Variants in CPEB4 observed in about 807,000 individuals in gnomAD.
CPEB4 encodes the protein cytoplasmic polyadenylation element binding protein 4.
CPEB4 carries 12 observed loss-of-function variants against 72.5 expected under a neutral mutation model. That is an observed-to-expected ratio of 0.17 (90% CI 0.11 to 0.27). CPEB4 has a LOEUF of 0.27. CPEB4 is among the 10% of genes least tolerant of loss of function. The pLI is 1.00. For missense variants in CPEB4, 614 were observed against 908.5 expected, an observed-to-expected ratio of 0.68 and a Z score of 4.17; for synonymous variants, 302 against 326.3, an observed-to-expected ratio of 0.93 and a Z score of 0.80.
chr5:173,956,210 A>G lies in CPEB4; in HGVS notation c.*73A>G. On this transcript the variant is annotated 3_prime_UTR_variant, in exon 10 of 10. Transcript: ENST00000265085. The stretch of plus-strand genomic sequence containing the variant: ...TCTGTTCATTCTGACCCCTTCCTCA[A>G]CCTCTTCACGCTGGCATGTCCTTTT... The G allele has an allele frequency of 8.6e-7, 1 of 1,160,850 alleles. No individual in the cohort carries two copies. Among genetic ancestry groups the G allele is most frequent in the Non-Finnish European group, 1.3e-6 (1 of 778,116 alleles). 71.9% of individuals were successfully genotyped at this position (1,160,850 alleles called of 1,614,324 possible). A position where few individuals can be genotyped will look rare whatever the true frequency, so the allele number is the denominator to read the frequency against.
In CPEB4 at chr5:173,953,562, C is replaced by A. The variant is rs73808321; in HGVS notation, c.1962+290C>A. The A allele has an allele frequency of 1.9e-3, 699 of 373,836 alleles. 4 individuals are homozygous for A. The highest frequency in any genetic ancestry group is 0.013 in the African/African-American group (626 of 48,410). The allele number at this position is 373,836 out of a possible 1,614,324, so 23.2% of individuals were successfully genotyped here. ...CCATTCATTCACTTAGTTTGTAAGTCATTCAATAAATATTTACTGAATCCT... is the reference window on the plus strand; with the variant it reads ...CCATTCATTCACTTAGTTTGTAAGTAATTCAATAAATATTTACTGAATCCT... On this transcript the variant is annotated intron_variant, in intron 9 of 9. Coordinates refer to ENST00000265085, the MANE Select transcript of CPEB4 (RefSeq NM_030627.4).
chr5:173,913,629 T>C (rs1756760354), intron 2 of CPEB4, among the ~76,000 whole-genome samples: 1 of 152,248 alleles, frequency 6.6e-6, no homozygotes, highest in Non-Finnish European at 1.5e-5. Context: ...CTTTATTCTA[T>C]ATTCTCTTTT....
At chr5:173,947,623 A>G (rs1254449866) in intron 5 of CPEB4, among the ~76,000 whole-genome samples, 1 of 152,014 alleles carries the variant, frequency 6.6e-6, no homozygotes, top group African/African-American at 2.4e-5. Flanking sequence ...AAACCCATGA[A>G]ATGTTGGAGT....
intron 2 of CPEB4, among the ~76,000 whole-genome samples, chr5:173,922,108 G>C (rs546090398): frequency 2.6e-5 from 4 of 152,296 alleles, no homozygotes; most frequent in African/African-American, 9.6e-5. Context: ...CTGGCTCCTG[G>C]TTCAATGGCC....
At chr5:173,946,811 A>G (rs1420239059) in intron 5 of CPEB4, among the ~76,000 whole-genome samples, 1 of 152,150 alleles carries the variant, frequency 6.6e-6, no homozygotes, top group Non-Finnish European at 1.5e-5. Flanking sequence ...ATGAACCAGT[A>G]CAACTTCCAT....
At position 173,912,913 on chromosome 5, in the gene CPEB4, T is replaced by G. The variant is rs1401042640; in HGVS notation, c.1207+2309T>G. The stretch of plus-strand genomic sequence containing the variant: ...GCTGTGTTCCTGCTCTTTAAGACCC[T>G]GTCTCAAAAAAAAAAAAAAAAAAAA... On this transcript the variant is annotated intron_variant, in intron 2 of 9. Coordinates refer to ENST00000265085, the MANE Select transcript of CPEB4 (RefSeq NM_030627.4). Among the ~76,000 whole-genome samples, 3 of 134,498 alleles carry G rather than the reference T, an allele frequency of 2.2e-5. No homozygotes were observed. The Admixed American group carries it at 2.2e-4, about 10-fold the overall frequency. The allele number at this position is 134,498 out of a possible 152,430, so 88.2% of individuals were successfully genotyped here.
At chr5:173,939,082 G>C (rs1228016475) in intron 3 of CPEB4, among the ~76,000 whole-genome samples, 1 of 152,078 alleles carries the variant, frequency 6.6e-6, no homozygotes, top group Admixed American at 6.5e-5. Context: ...GAGCCCAGGA[G>C]TTGAGACCAG....
rs528972360 is a variant in CPEB4, at chr5:173,958,501, A to G, written c.*2364A>G. 29 of 152,718 alleles carry G rather than the reference A, an allele frequency of 1.9e-4. No homozygotes were observed. Among genetic ancestry groups the G allele is most frequent in the Admixed American group, 8.5e-4 (13 of 15,280 alleles). 9.5% of individuals were successfully genotyped at this position (152,718 alleles called of 1,614,324 possible). A position where few individuals can be genotyped will look rare whatever the true frequency, so the allele number is the denominator to read the frequency against. Reference sequence around the variant, plus strand: ...TTATACATTTCAGTGCTCTGCATACATTTTAAATTATGAATGTCGTGCACT... The same window carrying G: ...TTATACATTTCAGTGCTCTGCATACGTTTTAAATTATGAATGTCGTGCACT... On this transcript the variant is annotated 3_prime_UTR_variant, in exon 10 of 10. Coordinates refer to ENST00000265085, the MANE Select transcript of CPEB4 (RefSeq NM_030627.4).
chr5:173,905,313 A>T (rs1427537927), intron 1 of CPEB4, among the ~76,000 whole-genome samples: 1 of 151,750 alleles, frequency 6.6e-6, no homozygotes, highest in East Asian at 1.9e-4. Flanking sequence ...TTTATGTTTT[A>T]TGTAGCATAA....
At chr5:173,949,135 G>A (rs541499059) in intron 5 of CPEB4, among the ~76,000 whole-genome samples, 2 of 152,324 alleles carry the variant, frequency 1.3e-5, no homozygotes, top group East Asian at 3.9e-4. Flanking sequence ...AAATTTAAAT[G>A]AAGTCTGTGA....
Position 173,956,277 on chromosome 5 carries a change from A to T in CPEB4, c.*140A>T. ...TAACTATAGTATAATGAAAAGAATGACCTATAATATAGGTGTTTTGTAGAT... is the reference window on the plus strand; with the variant it reads ...TAACTATAGTATAATGAAAAGAATGTCCTATAATATAGGTGTTTTGTAGAT... On this transcript the variant is annotated 3_prime_UTR_variant, in exon 10 of 10. Transcript: ENST00000265085. The T allele has an allele frequency of 1.6e-6, 1 of 642,198 alleles. No homozygotes were observed. Among genetic ancestry groups the T allele is most frequent in the South Asian group, 1.9e-5 (1 of 51,316 alleles). 39.8% of individuals were successfully genotyped at this position (642,198 alleles called of 1,614,324 possible). A position where few individuals can be genotyped will look rare whatever the true frequency, so the allele number is the denominator to read the frequency against.
chr5:173,944,908 T>C (rs1757964407), intron 4 of CPEB4, 59 bp from the exon 5 acceptor site: 2 of 1,427,614 alleles, frequency 1.4e-6, no homozygotes, highest in Admixed American at 2.0e-5. Context: ...TTTCTTTGCA[T>C]GATAATCAGT....
At chr5:173,933,540 AC>A (rs1757516641) in intron 3 of CPEB4, among the ~76,000 whole-genome samples, 1 of 152,218 alleles carries the variant, frequency 6.6e-6, no homozygotes, top group South Asian at 2.1e-4. Flanking sequence ...TTTTCATGCT[AC>A]AGTGCGAGAA....
rs150612452 is a variant in CPEB4 at position 173,952,827 on chromosome 5, A to G, written c.1781-264A>G. On this transcript the variant is annotated intron_variant, in intron 8 of 9. Transcript: ENST00000265085. ...GATGGATCACCCTTTCAGCACCTCA[A>G]TTTCCTCAGGAAATTACTACCTACT... 1.6e-3 allele frequency among the ~76,000 whole-genome samples: 239 copies of G among 152,320 alleles called. 2 individuals carry two copies. Among genetic ancestry groups the G allele is most frequent in the South Asian group, 2.7e-3 (13 of 4,828 alleles).
Position 173,959,118 on chromosome 5 carries a change from C to T in CPEB4, c.*2981C>T, listed in dbSNP as rs1454839126. 1 of 151,946 alleles carries T rather than the reference C, an allele frequency of 6.6e-6. No individual in the cohort carries two copies. The highest frequency in any genetic ancestry group is 1.9e-4 in the East Asian group (1 of 5,338). 9.4% of individuals were successfully genotyped at this position (151,946 alleles called of 1,614,324 possible). A position where few individuals can be genotyped will look rare whatever the true frequency, so the allele number is the denominator to read the frequency against. The stretch of plus-strand genomic sequence containing the variant: ...GTTGGGAGTTACCATGTAACTCAAA[C>T]ATAATTAACATGTAATTAGTTTACA... On this transcript the variant is annotated 3_prime_UTR_variant, in exon 10 of 10. Coordinates refer to ENST00000265085, the MANE Select transcript of CPEB4 (RefSeq NM_030627.4).
In CPEB4 at chr5:173,945,122, C is replaced by T; in HGVS notation, c.1438C>T (p.Pro480Ser). The change falls in exon 5 of 10, where the codon CCT becomes TCT. Residue 480 changes from proline to serine, a missense_variant. Transcript: ENST00000265085. ...TCGAAAGGTGTTTGTAGGCGGATTG[C>T]CTCCAGACATTGATGAAGGTATGTT... ...YSRKVFVGGL[P>S]PDIDEDEITA... The T allele has an allele frequency of 6.2e-7, 1 of 1,613,390 alleles. No individual in the cohort carries two copies. The highest frequency in any genetic ancestry group is 8.5e-7 in the Non-Finnish European group (1 of 1,179,654).
chr5:173,947,211 G>A (rs976373347), intron 5 of CPEB4, among the ~76,000 whole-genome samples: 1 of 152,072 alleles, frequency 6.6e-6, no homozygotes, highest in Admixed American at 6.6e-5. Flanking sequence ...TCTCATTAGT[G>A]TCCAAATGTA....
chr5:173,898,342 G>A lies in CPEB4; in HGVS notation c.1125+7484G>A, dbSNP rs60107461. On this transcript the variant is annotated intron_variant, in intron 1 of 9. Transcript: ENST00000265085. The stretch of plus-strand genomic sequence containing the variant: ...CTTAAAAAAATAAAAATATAAGAAC[G>A]TGACTCAGAATATTCACATACTCTG... 5.8e-3 allele frequency among the ~76,000 whole-genome samples: 880 copies of A among 152,046 alleles called. 7 individuals are homozygous for A. The highest frequency in any genetic ancestry group is 0.018 in the African/African-American group (760 of 41,470).
chr5:173,929,626 G>A (rs1757368968), intron 2 of CPEB4, among the ~76,000 whole-genome samples: 1 of 152,070 alleles, frequency 6.6e-6, no homozygotes, highest in African/African-American at 2.4e-5. Flanking sequence ...CTTAAGCCTG[G>A]GAGGTCGAGG....
Sources: gnomAD v4.1 joint callset for allele counts (sites outside exome capture counted in the v4.1 genomes callset) on GRCh38, gnomAD v4.1.1 for gene constraint, MANE v1.5 for transcripts, NCBI Gene and HGNC (gene_info 2026-07-23, HGNC 2026-07-21) for gene names.